The following DTNA variants were observed in gnomAD, a reference collection of about 807,000 sequenced individuals.
The protein encoded by DTNA is dystrophin-related protein 3.
DTNA carries 43 observed loss-of-function variants against 100.7 expected under a neutral mutation model. The ratio of observed to expected loss-of-function variants is 0.43; its 90% CI spans 0.33 to 0.55. DTNA has a LOEUF of 0.55. Ranked by LOEUF, DTNA falls within the 20% of genes least tolerant of loss-of-function variation. The pLI, the probability that DTNA is intolerant of heterozygous loss-of-function variation, is 0.04. For missense variants in DTNA, 798 were observed against 953.9 expected (o/e 0.84, Z 2.15); for synonymous variants, 349 against 347.9 (o/e 1.00, Z -0.04).
chr18:34,618,881 G>A (rs2055877601), intron 1 of DTNA, among the ~76,000 whole-genome samples: 1 of 152,040 alleles, frequency 6.6e-6, no homozygotes, highest in Non-Finnish European at 1.5e-5. Flanking sequence ...TCTGCCCCAG[G>A]GAGCTCAAAG....
At chr18:34,550,592 A>G (rs1474101788) in intron 1 of DTNA, among the ~76,000 whole-genome samples, 2 of 152,180 alleles carry the variant, frequency 1.3e-5, no homozygotes, top group Non-Finnish European at 2.9e-5. Flanking sequence ...GGGCCTGTCT[A>G]CATTTTAATA....
intron 1 of DTNA, among the ~76,000 whole-genome samples, chr18:34,731,314 T>C (rs8099305): frequency 0.15 from 23,168 of 150,660 alleles, 2,974 homozygotes; most frequent in African/African-American, 0.37. Flanking sequence ...CCCGTCTCTA[T>C]TAAAAATACA....
In DTNA at chr18:34,591,684, C is replaced by T. The variant is rs142273993; in HGVS notation, c.-2+98170C>T. On this transcript the variant is annotated intron_variant, in intron 1 of 19. Transcript: ENST00000283365. ...TTATTTGTGAAGTCATTAGAATGCC[C>T]GTCTATCAGCATTACATAGAGCCTG... 2.8e-3 allele frequency among the ~76,000 whole-genome samples: 424 copies of T among 152,214 alleles called. 7 individuals carry two copies. The highest frequency in any genetic ancestry group is 0.026 in the Admixed American group (396 of 15,280).
At chr18:34,586,199 C>A (rs532472698) in intron 1 of DTNA, among the ~76,000 whole-genome samples, 6 of 152,286 alleles carry the variant, frequency 3.9e-5, no homozygotes, top group African/African-American at 1.4e-4. Flanking sequence ...AAAAACTGTT[C>A]CCAAATTGCT....
In DTNA at chr18:34,889,135, T is replaced by TA. The variant is rs1251715521; in HGVS notation, c.*1401_*1402insA. 2 of 966,372 alleles carry TA rather than the reference T, an allele frequency of 2.1e-6. No homozygotes were observed. The highest frequency in any genetic ancestry group is 2.3e-5 in the African/African-American group (1 of 43,394). The allele number at this position is 966,372 out of a possible 1,614,324, so 59.9% of individuals were successfully genotyped here. ...CTACTTGCTTCAAGATTTGATTTTT[T>TA]TAAAAAAGCCTGCGACCTATTCAAT... On this transcript the variant is annotated 3_prime_UTR_variant, in exon 23 of 23. Coordinates refer to ENST00000444659, the MANE Select transcript of DTNA (RefSeq NM_001386795.1).
chr18:34,691,860 A>G (rs958264850), intron 1 of DTNA, among the ~76,000 whole-genome samples: 2 of 152,178 alleles, frequency 1.3e-5, no homozygotes, highest in African/African-American at 4.8e-5. Flanking sequence ...AATATCCAGC[A>G]CAGCTGCTGC....
rs113472325 is a variant in DTNA, at chr18:34,710,675, AGTGT to A, written c.-2+253_-2+256del. On this transcript the variant is annotated intron_variant, in intron 1 of 22. Coordinates refer to ENST00000444659, the MANE Select transcript of DTNA (RefSeq NM_001386795.1). ...TTTTATGGCAGTGTGTGTGTGTGGG[AGTGT>A]GTGTGTGTGTGTGTGTGTGTGTAAG... Among the ~76,000 whole-genome samples the A allele has an allele frequency of 0.028, 4,144 of 147,868 alleles. 117 individuals are homozygous for A. The highest frequency in any genetic ancestry group is 0.077 in the African/African-American group (3,144 of 40,650).
intron 11 of DTNA, among the ~76,000 whole-genome samples, chr18:34,831,119 C>T (rs1033459582): frequency 6.6e-6 from 1 of 152,186 alleles, no homozygotes; most frequent in African/African-American, 2.4e-5. Flanking sequence ...ATAATCATTA[C>T]TTAGTTTACA....
chr18:34,698,935 A>G (rs571620235), intron 1 of DTNA, among the ~76,000 whole-genome samples: 71 of 151,362 alleles, frequency 4.7e-4, no homozygotes, highest in Non-Finnish European at 8.8e-4. Flanking sequence ...GCATCCTTCA[A>G]TCCAATCACA....
intron 1 of DTNA, among the ~76,000 whole-genome samples, chr18:34,502,488 C>T (rs1013201764): frequency 6.6e-6 from 1 of 152,092 alleles, no homozygotes; most frequent in Non-Finnish European, 1.5e-5. Context: ...CTAATGTATG[C>T]ATTTAGTGCT....
intron 1 of DTNA, among the ~76,000 whole-genome samples, chr18:34,732,512 A>G (rs1324365988): frequency 6.6e-6 from 1 of 152,192 alleles, no homozygotes; most frequent in Non-Finnish European, 1.5e-5. Context: ...AAAGGATGCA[A>G]CCTGGACTGA....
At chr18:34,728,833 C>G (rs957614790) in intron 1 of DTNA, among the ~76,000 whole-genome samples, 1 of 152,176 alleles carries the variant, frequency 6.6e-6, no homozygotes, top group Non-Finnish European at 1.5e-5. Flanking sequence ...TCACACCCCA[C>G]CAGCTTCACT....
chr18:34,815,300 A>G (rs868354977), intron 6 of DTNA, among the ~76,000 whole-genome samples: 36 of 152,290 alleles, frequency 2.4e-4, no homozygotes, highest in Middle Eastern at 6.8e-3. Flanking sequence ...CCTTTTGTAC[A>G]TCCAAAAGGA....
At chr18:34,622,219 A>G (rs1311807546) in intron 1 of DTNA, among the ~76,000 whole-genome samples, 1 of 152,246 alleles carries the variant, frequency 6.6e-6, no homozygotes, top group African/African-American at 2.4e-5. Context: ...ATGTATACAT[A>G]TATCAAAACA....
intron 1 of DTNA, among the ~76,000 whole-genome samples, chr18:34,499,931 C>G (rs956109209): frequency 6.6e-6 from 1 of 152,050 alleles, no homozygotes; most frequent in Non-Finnish European, 1.5e-5. Context: ...GTTACTTATT[C>G]TTTGGAAACA....
intron 1 of DTNA, among the ~76,000 whole-genome samples, chr18:34,688,592 A>G (rs150663404): frequency 0.01 from 1,570 of 150,848 alleles, 21 homozygotes; most frequent in African/African-American, 0.036. Flanking sequence ...CTTCATTTCA[A>G]CCTTGGTGGA....
At chr18:34,676,750 G>A (rs945963007) in intron 1 of DTNA, among the ~76,000 whole-genome samples, 5 of 152,154 alleles carry the variant, frequency 3.3e-5, no homozygotes, top group African/African-American at 9.7e-5. Flanking sequence ...TGGGAAGATT[G>A]CTTGAGCCTG....
intron 3 of DTNA, among the ~76,000 whole-genome samples, chr18:34,780,724 A>T (rs113681097): frequency 2.6e-5 from 4 of 152,202 alleles, no homozygotes; most frequent in African/African-American, 9.6e-5. Flanking sequence ...ATCAGTGCTT[A>T]GTCTGTTTCC....
At chr18:34,646,228 ATTACT>A (rs1476675110) in intron 1 of DTNA, among the ~76,000 whole-genome samples, 9 of 152,216 alleles carry the variant, frequency 5.9e-5, no homozygotes, top group African/African-American at 1.4e-4. Flanking sequence ...AACTGGACAC[ATTACT>A]TAAATTCCTG....
Sources: allele counts gnomAD v4.1 joint callset (sites outside exome capture counted in the v4.1 genomes callset), GRCh38; gene constraint gnomAD v4.1.1; transcripts MANE v1.5; gene names NCBI Gene and HGNC (gene_info 2026-07-23, HGNC 2026-07-21).